Variants in CADM2 observed in about 807,000 individuals in gnomAD.
CADM2 encodes cell adhesion molecule 2, also known as immunoglobulin superfamily member 4D.
In CADM2, 12 loss-of-function variants were observed where a neutral mutation model predicts 49.8. That is an observed-to-expected ratio of 0.24 (90% CI 0.15 to 0.39). The LOEUF (loss-of-function observed/expected upper bound fraction) is 0.39. CADM2 is among the 10% of genes least tolerant of loss of function. The probability of loss-of-function intolerance (pLI) is 1.00; values close to 1 mark genes in which losing one functional copy is unlikely to be tolerated. For missense variants in CADM2, 378 were observed against 492.3 expected (o/e 0.77, Z 2.20); for synonymous variants, 214 against 175.4 (o/e 1.22, Z -1.74).
At chr3:84,999,729 C>T (rs986101761) in intron 1 of CADM2, among the ~76,000 whole-genome samples, 1 of 152,102 alleles carries the variant, frequency 6.6e-6, no homozygotes, top group Non-Finnish European at 1.5e-5. Flanking sequence ...ACCATGAAAG[C>T]ACTGCAAGTA....
intron 8 of CADM2, among the ~76,000 whole-genome samples, chr3:86,058,759 GA>G (rs1223353463): frequency 4.0e-5 from 6 of 151,592 alleles, no homozygotes; most frequent in African/African-American, 1.5e-4. Flanking sequence ...ATTTATAACT[GA>G]AAATCAAATA....
chr3:85,232,005 G>A (rs983036265), intron 1 of CADM2, among the ~76,000 whole-genome samples: 4 of 151,680 alleles, frequency 2.6e-5, no homozygotes, highest in Non-Finnish European at 5.9e-5. Context: ...GTGAGCCATT[G>A]GGCCTGGCCT....
chr3:85,873,047 G>T (rs1164950870), intron 3 of CADM2, among the ~76,000 whole-genome samples: 2 of 152,066 alleles, frequency 1.3e-5, no homozygotes, highest in African/African-American at 4.8e-5. Flanking sequence ...ATCTGGCAAG[G>T]GTCTTTGTGC....
At chr3:85,629,672 C>T (rs2064246509) in intron 1 of CADM2, among the ~76,000 whole-genome samples, 1 of 151,832 alleles carries the variant, frequency 6.6e-6, no homozygotes, top group South Asian at 2.1e-4. Context: ...TTTCTTTAGA[C>T]ACAAGGAGAA....
intron 7 of CADM2, among the ~76,000 whole-genome samples, chr3:85,939,537 C>T (rs1003970468): frequency 2.0e-5 from 3 of 149,210 alleles, no homozygotes; most frequent in Non-Finnish European, 4.4e-5. Context: ...AAAGTCATGA[C>T]CTTAAATGGT....
chr3:85,736,519 A>G (rs1332407869), intron 2 of CADM2, among the ~76,000 whole-genome samples: 1 of 152,200 alleles, frequency 6.6e-6, no homozygotes, highest in African/African-American at 2.4e-5. Context: ...GGGGACTAAA[A>G]GACAGCAAGT....
chr3:85,340,684 A>G (rs1369159071), intron 1 of CADM2, among the ~76,000 whole-genome samples: 1 of 151,680 alleles, frequency 6.6e-6, no homozygotes, highest in Non-Finnish European at 1.5e-5. Context: ...GTAAAATTGA[A>G]TAGAATATTT....
intron 1 of CADM2, among the ~76,000 whole-genome samples, chr3:85,323,080 G>C (rs899783968): frequency 6.6e-6 from 1 of 151,734 alleles, no homozygotes; most frequent in African/African-American, 2.4e-5. Flanking sequence ...CTTTTTTTCC[G>C]TCAGTCTTTT....
At chr3:84,991,503 A>G (rs1320017082) in intron 1 of CADM2, among the ~76,000 whole-genome samples, 1 of 152,162 alleles carries the variant, frequency 6.6e-6, no homozygotes, top group East Asian at 1.9e-4. Flanking sequence ...AAATCCTAGG[A>G]AAAAAACTAA....
chr3:86,062,269 T>C (rs572983444), intron 8 of CADM2, among the ~76,000 whole-genome samples: 1 of 152,300 alleles, frequency 6.6e-6, no homozygotes, highest in South Asian at 2.1e-4. Flanking sequence ...TTCCAAAGGA[T>C]ATTTCAAGTA....
intron 1 of CADM2, among the ~76,000 whole-genome samples, chr3:85,610,711 A>G (rs2063660290): frequency 6.6e-6 from 1 of 151,996 alleles, no homozygotes; most frequent in Admixed American, 6.6e-5. Flanking sequence ...GCAACGTGCA[A>G]TAAATGTGTT....
At chr3:85,408,133 G>A (rs1158960105) in intron 1 of CADM2, among the ~76,000 whole-genome samples, 3 of 151,268 alleles carry the variant, frequency 2.0e-5, no homozygotes, top group Non-Finnish European at 4.4e-5. Context: ...TAGATAGCAA[G>A]AAAAGATTGT....
At chr3:85,413,968 G>A (rs2035796422) in intron 1 of CADM2, among the ~76,000 whole-genome samples, 2 of 152,152 alleles carry the variant, frequency 1.3e-5, no homozygotes, top group South Asian at 4.1e-4. Context: ...GGGTTCAAGC[G>A]ATTCTTCTTC....
chr3:85,368,370 G>T (rs565347061), intron 1 of CADM2, among the ~76,000 whole-genome samples: 3 of 152,148 alleles, frequency 2.0e-5, no homozygotes, highest in Admixed American at 6.5e-5. Flanking sequence ...TTAGAGGGGA[G>T]TGGGCTAAGC....
chr3:85,777,818 G>A (rs9852478), intron 2 of CADM2, among the ~76,000 whole-genome samples: 22,019 of 152,152 alleles, frequency 0.14, 2,019 homozygotes, highest in Non-Finnish European at 0.2. Flanking sequence ...TTCCAGTATA[G>A]AGCAGTGATA....
At chr3:85,346,024 G>GT (rs945318116) in intron 1 of CADM2, among the ~76,000 whole-genome samples, 5 of 152,110 alleles carry the variant, frequency 3.3e-5, no homozygotes, top group South Asian at 2.1e-4. Context: ...GCATATAAGA[G>GT]TTTTTTCTAC....
At chr3:85,150,923 AAATAATAATAATAAT>A (rs199583843) in intron 1 of CADM2, among the ~76,000 whole-genome samples, 4 of 146,818 alleles carry the variant, frequency 2.7e-5, no homozygotes, top group African/African-American at 5.0e-5. Flanking sequence ...AAATAAAAAT[AAATAATAATAATAAT>A]AATAATAATA....
chr3:85,776,861 A>G (rs955234717), intron 2 of CADM2, among the ~76,000 whole-genome samples: 3 of 152,112 alleles, frequency 2.0e-5, no homozygotes, highest in African/African-American at 7.2e-5. Flanking sequence ...AATGAATCCC[A>G]GTTACCTCTA....
intron 2 of CADM2, among the ~76,000 whole-genome samples, chr3:85,757,370 C>T (rs1647052282): frequency 1.3e-5 from 2 of 152,006 alleles, no homozygotes; most frequent in Admixed American, 1.3e-4. Flanking sequence ...AATAAAGAAA[C>T]ATGGCTCATG....
Sources: gnomAD v4.1 joint callset for allele counts (sites outside exome capture counted in the v4.1 genomes callset) on GRCh38, gnomAD v4.1.1 for gene constraint, MANE v1.5 for transcripts, NCBI Gene and HGNC (gene_info 2026-07-23, HGNC 2026-07-21) for gene names.